C17orf107: variants seen among roughly 807,000 people sequenced by gnomAD.
C17orf107 encodes chromosome 17 open reading frame 107, also known as uncharacterized protein C17orf107.
A neutral mutation model predicts 8.9 loss-of-function variants in C17orf107; 9 were observed. The observed-to-expected ratio is 1.02, with a 90% confidence interval of 0.61 to 1.77. The LOEUF (loss-of-function observed/expected upper bound fraction) is 1.77, where lower values mean the gene tolerates loss of function less well. C17orf107 is among the 40% of genes most tolerant of loss of function. The pLI is 0.00. For missense variants in C17orf107, 281 were observed against 249.0 expected, an observed-to-expected ratio of 1.13 and a Z score of -0.86; for synonymous variants, 139 against 120.3, an observed-to-expected ratio of 1.16 and a Z score of -1.02.
rs1309975444 is a variant in C17orf107, at chr17:4,901,042, G to T, written c.*509G>T. On this transcript the variant is annotated 3_prime_UTR_variant, in exon 3 of 3. Coordinates refer to ENST00000381365, the MANE Select transcript of C17orf107 (RefSeq NM_001145536.2). ...GCACCAGGCCCGAGATGAGCACACA[G>T]GGCACGATGATGTTAATGACGTAGA... The T allele has an allele frequency of 6.2e-7, 1 of 1,613,952 alleles. No individual in the cohort carries two copies. Among genetic ancestry groups the T allele is most frequent in the East Asian group, 2.2e-5 (1 of 44,886 alleles).
chr17:4,902,106 C>G lies in C17orf107; in HGVS notation c.*1573C>G, dbSNP rs201555272. On this transcript the variant is annotated 3_prime_UTR_variant, in exon 3 of 3. Coordinates refer to ENST00000381365, the MANE Select transcript of C17orf107 (RefSeq NM_001145536.2). The surrounding 1 kb of genome is among the most constrained non-coding windows in gnomAD (Gnocchi z 4.0). ...ATCAATACTGTGGGCTCGGGGAAAC[C>G]GAGCTTTTTGCACAGGTCTGCACCC... 3 of 1,613,982 alleles carry G rather than the reference C, an allele frequency of 1.9e-6. No individual in the cohort carries two copies. In the Admixed American group the frequency reaches 5.0e-5, roughly 27 times the overall value.
chr17:4,901,259 GAGGAGGCTGCGGCTGTCTGCACC>G lies in C17orf107; in HGVS notation c.*730_*752del. 2 of 1,547,734 alleles carry G rather than the reference GAGGAGGCTGCGGCTGTCTGCACC, an allele frequency of 1.3e-6. No individual in the cohort carries two copies. The highest frequency in any genetic ancestry group is 1.7e-4 in the Middle Eastern group (1 of 5,804). ...CCCGCCGAGCTGACAGCGGGCTGAAGAGGAGGCTGCGGCTGTCTGCACCAGGGTCATGGGCCGTCAGGATGGGG... is the reference window on the plus strand; with the variant it reads ...CCCGCCGAGCTGACAGCGGGCTGAAGAGGGTCATGGGCCGTCAGGATGGGG... On this transcript the variant is annotated 3_prime_UTR_variant, in exon 3 of 3. Coordinates refer to ENST00000381365, the MANE Select transcript of C17orf107 (RefSeq NM_001145536.2).
Position 4,902,874 on chromosome 17 carries a change from TA to T in C17orf107, c.*2342del. 6.3e-7 allele frequency: 1 copy of T among 1,582,686 alleles called. No individual in the cohort carries two copies. The highest frequency in any genetic ancestry group is 8.7e-7 in the Non-Finnish European group (1 of 1,152,548). ...GGCCTCTGAGGCTGTGTACTATCAG[TA>T]TCTGTCTCCTAAACCAATTATGCTG... is the stretch of plus-strand genomic sequence containing the variant. On this transcript the variant is annotated 3_prime_UTR_variant, in exon 3 of 3. Coordinates refer to ENST00000381365, the MANE Select transcript of C17orf107 (RefSeq NM_001145536.2). The surrounding 1 kb of genome is among the most constrained non-coding windows in gnomAD (Gnocchi z 4.0).
At position 4,902,097 on chromosome 17, in the gene C17orf107, C is replaced by T. The variant is rs1267562960; in HGVS notation, c.*1564C>T. 6.2e-7 allele frequency: 1 copy of T among 1,613,908 alleles called. No individual in the cohort carries two copies. The highest frequency in any genetic ancestry group is 8.5e-7 in the Non-Finnish European group (1 of 1,179,986). ...GAACTGGCCATCAATACTGTGGGCTCGGGGAAACCGAGCTTTTTGCACAGG... is the reference window on the plus strand; with the variant it reads ...GAACTGGCCATCAATACTGTGGGCTTGGGGAAACCGAGCTTTTTGCACAGG... On this transcript the variant is annotated 3_prime_UTR_variant, in exon 3 of 3. Transcript: ENST00000381365. This position sits in a 1 kb window ranked among gnomAD's most constrained non-coding sequence, Gnocchi z 4.0.
rs12942540 is a variant in C17orf107 at position 4,900,778 on chromosome 17, G to C, written c.*245G>C. ...CTTCACACTGGCCACACCCCCGCGG[G>C]GGCTCCGGCTTCACCTGCCCAGGAG... On this transcript the variant is annotated 3_prime_UTR_variant, in exon 3 of 3. Coordinates refer to ENST00000381365, the MANE Select transcript of C17orf107 (RefSeq NM_001145536.2). 229,101 of 1,608,764 alleles carry C rather than the reference G, an allele frequency of 0.14. 16,889 individuals are homozygous for C. The highest frequency in any genetic ancestry group is 0.22 in the African/African-American group (16,157 of 74,856).
chr17:4,901,137 C>A lies in C17orf107; in HGVS notation c.*604C>A, dbSNP rs765394012. ...TCCCCTGGGCCGTCGGTGGCGCCAC[C>A]GTGGTGGCGGCGGATCACCCCCGGG... On this transcript the variant is annotated 3_prime_UTR_variant, in exon 3 of 3. Coordinates refer to ENST00000381365, the MANE Select transcript of C17orf107 (RefSeq NM_001145536.2). 7 of 1,611,958 alleles carry A rather than the reference C, an allele frequency of 4.3e-6. No individual in the cohort carries two copies. The highest frequency in any genetic ancestry group is 4.2e-6 in the Non-Finnish European group (5 of 1,179,922).
rs1447542517 is a variant in C17orf107, at chr17:4,901,864, G to T, written c.*1331G>T. On this transcript the variant is annotated 3_prime_UTR_variant, in exon 3 of 3. Coordinates refer to ENST00000381365, the MANE Select transcript of C17orf107 (RefSeq NM_001145536.2). Reference sequence around the variant, plus strand: ...CCCCGCCCCGAGGGCGGTGCTTCCCGGTTGGCCCCGCCCCATAAGGCCCCC... The same window carrying T: ...CCCCGCCCCGAGGGCGGTGCTTCCCTGTTGGCCCCGCCCCATAAGGCCCCC... 1.4e-5 allele frequency: 23 copies of T among 1,595,650 alleles called. No homozygotes were observed. Among genetic ancestry groups the T allele is most frequent in the South Asian group, 2.2e-5 (2 of 90,380 alleles).
rs780968512 is a variant in C17orf107 at position 4,899,557 on chromosome 17, C to T, written c.-206C>T. 1 of 1,595,318 alleles carries T rather than the reference C, an allele frequency of 6.3e-7. No homozygotes were observed. Among genetic ancestry groups the T allele is most frequent in the Admixed American group, 1.7e-5 (1 of 57,314 alleles). On this transcript the variant is annotated 5_prime_UTR_variant, in exon 1 of 3. Transcript: ENST00000381365. ...ACGCAATTCATGACAATGAGCGTGG[C>T]GACCACCATGACGAAAATAAGGAAC... is the stretch of plus-strand genomic sequence containing the variant.
Sources: allele counts gnomAD v4.1 joint callset, GRCh38; gene constraint gnomAD v4.1.1; non-coding constraint Gnocchi (gnomAD v3.1); transcripts MANE v1.5; gene names NCBI Gene and HGNC (gene_info 2026-07-23, HGNC 2026-07-21).